OLFML1: variants seen among roughly 807,000 people sequenced by gnomAD.
OLFML1 encodes the protein olfactomedin like 1.
Under a neutral mutation model 37.3 loss-of-function variants are expected in OLFML1, and 33 were observed. The ratio of observed to expected loss-of-function variants is 0.88; its 90% CI spans 0.67 to 1.18. OLFML1 has a LOEUF of 1.18. OLFML1 is among the 50% of genes most tolerant of loss of function. OLFML1 has a pLI of 0.00. For missense variants in OLFML1, 545 were observed against 483.7 expected (o/e 1.13, Z -1.19); for synonymous variants, 186 against 181.3 (o/e 1.03, Z -0.21).
intron 2 of OLFML1, among the ~76,000 whole-genome samples, chr11:7,508,558 G>T (rs934037443): frequency 1.3e-5 from 2 of 152,020 alleles, no homozygotes; most frequent in African/African-American, 4.8e-5. Flanking sequence ...CTATATTCTA[G>T]TTAGTCCTGT....
At chr11:7,504,308 A>C (rs1006821891) in intron 2 of OLFML1, among the ~76,000 whole-genome samples, 1 of 152,130 alleles carries the variant, frequency 6.6e-6, no homozygotes, top group Non-Finnish European at 1.5e-5. Context: ...AAAACGAACA[A>C]GGTGGAGAAG....
chr11:7,490,133 G>A, intron 2 of OLFML1, among the ~76,000 whole-genome samples: 1 of 74,740 alleles, frequency 1.3e-5, no homozygotes, highest in East Asian at 3.9e-4. Flanking sequence ...AGGCTTTGGT[G>A]GGGGGGGGGG....
In OLFML1 at chr11:7,485,710, G is replaced by T; in HGVS notation, c.-166G>T. On this transcript the variant is annotated 5_prime_UTR_variant, in exon 1 of 3. Transcript: ENST00000329293. ...TCACTAGCTGGCAAACTGAGCTCAC[G>T]TATCGGGTGGAATAACAAGCGGACT... 1 of 705,370 alleles carries T rather than the reference G, an allele frequency of 1.4e-6. No individual in the cohort carries two copies. The highest frequency in any genetic ancestry group is 2.4e-6 in the Non-Finnish European group (1 of 413,622). The allele number at this position is 705,370 out of a possible 1,614,324, so 43.7% of individuals were successfully genotyped here. A position where few individuals can be genotyped will look rare whatever the true frequency, so the allele number is the denominator to read the frequency against.
At chr11:7,486,077 T>C in intron 1 of OLFML1, 73 bp downstream of exon 1, 3 of 1,414,714 alleles carry the variant, frequency 2.1e-6, no homozygotes, top group Non-Finnish European at 3.0e-6. Flanking sequence ...CATGCTTCTC[T>C]ATCTACTGGG....
At chr11:7,493,593 G>T (rs527586090) in intron 2 of OLFML1, among the ~76,000 whole-genome samples, 33 of 152,358 alleles carry the variant, frequency 2.2e-4, no homozygotes, top group South Asian at 1.7e-3. Flanking sequence ...GGAGGCGCAT[G>T]TAGAGTACAG....
At chr11:7,486,214 C>T (rs935218438) in intron 1 of OLFML1, among the ~76,000 whole-genome samples, 1 of 152,192 alleles carries the variant, frequency 6.6e-6, no homozygotes, top group African/African-American at 2.4e-5. Flanking sequence ...CACAGTTGCA[C>T]TTTGTGCTCT....
chr11:7,505,857 T>C (rs1358145438), intron 2 of OLFML1, among the ~76,000 whole-genome samples: 1 of 151,842 alleles, frequency 6.6e-6, no homozygotes, highest in African/African-American at 2.4e-5. Context: ...ATGTCCAAAA[T>C]TAGAACTGAT....
intron 2 of OLFML1, among the ~76,000 whole-genome samples, chr11:7,500,260 T>C (rs1375923266): frequency 1.3e-5 from 2 of 152,224 alleles, no homozygotes; most frequent in South Asian, 4.1e-4. Flanking sequence ...CTCTTAGACA[T>C]AGTCCCTCTG....
rs780281833 is a variant in OLFML1 at position 7,510,132 on chromosome 11, G to A, written c.1153G>A (p.Glu385Lys). Residue 385 changes from glutamate (E) to lysine (K), a missense_variant, in exon 3 of 3, where the codon GAA (glutamate) becomes AAA (lysine). Transcript: ENST00000329293. ...AGATAAGCAGCTCTATGCCTGGAAT[G>A]AAGGAAACCAGATCATTTACAAACT... ...PRDKQLYAWN[E>K]GNQIIYKLQT... is the part of the protein sequence containing the mutation. The A allele has an allele frequency of 1.2e-6, 2 of 1,613,680 alleles. No individual in the cohort carries two copies. The highest frequency in any genetic ancestry group is 1.7e-6 in the Non-Finnish European group (2 of 1,180,020).
chr11:7,489,762 G>A (rs1439548106), intron 2 of OLFML1, among the ~76,000 whole-genome samples: 1 of 152,130 alleles, frequency 6.6e-6, no homozygotes, highest in East Asian at 1.9e-4. Flanking sequence ...ATGAGTGAGA[G>A]AGATGAGTCC....
At chr11:7,494,070 G>C (rs572038107) in intron 2 of OLFML1, among the ~76,000 whole-genome samples, 2 of 152,316 alleles carry the variant, frequency 1.3e-5, no homozygotes, top group African/African-American at 4.8e-5. Context: ...ATGGAATCTG[G>C]AAAGTAGCCC....
In OLFML1 at chr11:7,510,413, C is replaced by T; in HGVS notation, c.*225C>T. 4.0e-6 allele frequency: 2 copies of T among 494,242 alleles called. No individual in the cohort carries two copies. Among genetic ancestry groups the T allele is most frequent in the Non-Finnish European group, 7.2e-6 (2 of 279,096 alleles). The allele number at this position is 494,242 out of a possible 1,614,324, so 30.6% of individuals were successfully genotyped here. A position where few individuals can be genotyped will look rare whatever the true frequency, so the allele number is the denominator to read the frequency against. On this transcript the variant is annotated 3_prime_UTR_variant, in exon 3 of 3. Transcript: ENST00000329293. ...GAAAGTTTCAACAATGTCCATTACT[C>T]CCCCAAACCTCCTGGCTCTCAAGGA...
Position 7,509,642 on chromosome 11 carries a change from C to A in OLFML1, c.663C>A (p.Tyr221Ter). The change falls in exon 3 of 3, where the codon TAC becomes TAA. Residue 221 changes from tyrosine to a stop codon, truncating the protein, a stop_gained. Coordinates refer to ENST00000329293, the MANE Select transcript of OLFML1 (RefSeq NM_198474.4). LOFTEE classifies it high-confidence loss of function. ...LSWQGTGQVIYKGFLFFHNQA... is the reference protein window; with the variant it reads ...LSWQGTGQVI Reference sequence around the variant, plus strand: ...GGCAGGGAACAGGCCAAGTGATCTACAAAGGTTTTCTATTTTTTCATAACC... The same window carrying A: ...GGCAGGGAACAGGCCAAGTGATCTAAAAAGGTTTTCTATTTTTTCATAACC... 6.2e-7 allele frequency: 1 copy of A among 1,614,206 alleles called. No individual in the cohort carries two copies. Among genetic ancestry groups the A allele is most frequent in the Non-Finnish European group, 8.5e-7 (1 of 1,180,032 alleles).
At chr11:7,486,046 C>T (rs117241472) in intron 1 of OLFML1, 42 bp downstream of exon 1, 19,402 of 1,586,250 alleles carry the variant, frequency 0.012, 135 homozygotes, top group Non-Finnish European at 0.014. Flanking sequence ...ACAGGCTTCC[C>T]AGAAGTACCT....
rs907074002 is a variant in OLFML1 at position 7,510,119 on chromosome 11, C to T, written c.1140C>T (p.Leu380=). Residue 380 remains leucine (L), a synonymous_variant, in exon 3 of 3, where the codon CTC becomes CTT. Transcript: ENST00000329293. ...MIHYNPRDKQ[L]YAWNEGNQII... The stretch of plus-strand genomic sequence containing the variant: ...ATTACAACCCCAGAGATAAGCAGCT[C>T]TATGCCTGGAATGAAGGAAACCAGA... 1 of 1,614,090 alleles carries T rather than the reference C, an allele frequency of 6.2e-7. No homozygotes were observed.
chr11:7,505,315 A>G (rs187163403), intron 2 of OLFML1, among the ~76,000 whole-genome samples: 2 of 152,158 alleles, frequency 1.3e-5, no homozygotes, highest in East Asian at 1.9e-4. Flanking sequence ...TAAAGACTCT[A>G]TCTAACTATC....
chr11:7,485,752 A>G lies in OLFML1; in HGVS notation c.-124A>G, dbSNP rs2134172416. ...AAGCGGACTTTGCTCTCTGCTGTGC[A>G]AAACGCTGTTTTTAGAGGATTTGCC... is the stretch of plus-strand genomic sequence containing the variant. On this transcript the variant is annotated 5_prime_UTR_variant, in exon 1 of 3. Transcript: ENST00000329293. 1 of 1,019,442 alleles carries G rather than the reference A, an allele frequency of 9.8e-7. No individual in the cohort carries two copies. The highest frequency in any genetic ancestry group is 1.5e-6 in the Non-Finnish European group (1 of 683,176). 63.1% of individuals were successfully genotyped at this position (1,019,442 alleles called of 1,614,324 possible). A position where few individuals can be genotyped will look rare whatever the true frequency, so the allele number is the denominator to read the frequency against.
intron 1 of OLFML1, 66 bp from the exon 2 acceptor site, chr11:7,488,061 G>C (rs12223776): frequency 0.24 from 258,117 of 1,081,438 alleles, 32,130 homozygotes; most frequent in Admixed American, 0.26. Flanking sequence ...TAAATGATAG[G>C]TATTTATATT....
At chr11:7,508,193 AGGAAAAGAAGG>A (rs1848808608) in intron 2 of OLFML1, among the ~76,000 whole-genome samples, 2 of 152,352 alleles carry the variant, frequency 1.3e-5, no homozygotes, top group South Asian at 4.1e-4. Flanking sequence ...GCTGAGAAGG[AGGAAAAGAAGG>A]GGTTGGCCTT....
Sources: gnomAD v4.1 joint callset for allele counts (sites outside exome capture counted in the v4.1 genomes callset) on GRCh38, gnomAD v4.1.1 for gene constraint, MANE v1.5 for transcripts, NCBI Gene and HGNC (gene_info 2026-07-23, HGNC 2026-07-21) for gene names.